Variants in SLC25A13 observed in about 807,000 individuals in gnomAD.
SLC25A13 encodes the protein electrogenic aspartate/glutamate antiporter SLC25A13, mitochondrial.
SLC25A13 carries 70 observed loss-of-function variants against 85.5 expected under a neutral mutation model. The observed-to-expected ratio is 0.82, with a 90% CI of 0.68 to 1.00. SLC25A13 has a LOEUF of 1.00. Among genes scored for constraint, SLC25A13 ranks in the 50% least tolerant of loss-of-function variants. SLC25A13 has a pLI of 0.00. For missense variants in SLC25A13, 765 were observed against 819.8 expected, an observed-to-expected ratio of 0.93 and a Z score of 0.82; for synonymous variants, 259 against 288.7, an observed-to-expected ratio of 0.90 and a Z score of 1.04.
rs1798494534 is a variant in SLC25A13 at position 96,277,329 on chromosome 7, T to C, written c.79A>G (p.Ile27Val). The change falls in exon 3 of 18, where the codon ATT becomes GTT. Residue 27 changes from isoleucine to valine, a missense_variant. Physicochemically the swap from Ile to Val is conservative, Grantham distance 29. Coordinates refer to ENST00000265631, the MANE Select transcript of SLC25A13 (RefSeq NM_014251.3). ...LRTIFLKYAS[I>V]EKNGEFFMSP... Reference sequence around the variant, plus strand: ...ATGAAAAATTCACCGTTTTTCTCAATGCTTGCATACTGTTTAAAAAAAAGA... The same window carrying C: ...ATGAAAAATTCACCGTTTTTCTCAACGCTTGCATACTGTTTAAAAAAAAGA... 3 of 1,612,700 alleles carry C rather than the reference T, an allele frequency of 1.9e-6. No homozygotes were observed. In the African/African-American group the frequency reaches 4.0e-5, roughly 22 times the overall value.
chr7:96,290,102 G>T (rs1799057022), intron 2 of SLC25A13, among the ~76,000 whole-genome samples: 1 of 152,220 alleles, frequency 6.6e-6, no homozygotes, highest in African/African-American at 2.4e-5. Flanking sequence ...CTGGCCAGAA[G>T]AGAGTGGGGG....
At chr7:96,172,705 T>C (rs911819114) in intron 11 of SLC25A13, among the ~76,000 whole-genome samples, 3 of 152,022 alleles carry the variant, frequency 2.0e-5, no homozygotes, top group East Asian at 1.9e-4. Flanking sequence ...ACAGAAACCA[T>C]GCAAGGTGGT....
At chr7:96,230,818 C>T (rs1394891971) in intron 4 of SLC25A13, among the ~76,000 whole-genome samples, 1 of 152,164 alleles carries the variant, frequency 6.6e-6, no homozygotes, top group Non-Finnish European at 1.5e-5. Flanking sequence ...GGATTAAAGA[C>T]TTAAATGTGG....
At chr7:96,171,253 T>C (rs1793986862) in intron 12 of SLC25A13, among the ~76,000 whole-genome samples, 1 of 152,234 alleles carries the variant, frequency 6.6e-6, no homozygotes, top group Non-Finnish European at 1.5e-5. Flanking sequence ...ACAACAATGA[T>C]GGCAGCAACC....
chr7:96,270,959 G>A (rs1166696993), intron 3 of SLC25A13, among the ~76,000 whole-genome samples: 13 of 152,162 alleles, frequency 8.5e-5, no homozygotes. Context: ...CCTCTTCCCT[G>A]TTTCTGTGTC....
chr7:96,140,812 G>A (rs1209864149), intron 14 of SLC25A13, among the ~76,000 whole-genome samples: 1 of 149,646 alleles, frequency 6.7e-6, no homozygotes, highest in Non-Finnish European at 1.5e-5. Context: ...TCTCATTGTA[G>A]TTATGATTTG....
intron 12 of SLC25A13, among the ~76,000 whole-genome samples, chr7:96,170,634 A>G (rs1002136244): frequency 6.6e-6 from 1 of 152,212 alleles, no homozygotes; most frequent in Non-Finnish European, 1.5e-5. Context: ...TACATTAATT[A>G]ATTAATATAA....
At chr7:96,294,091 T>C (rs1252463731) in intron 2 of SLC25A13, among the ~76,000 whole-genome samples, 1 of 152,196 alleles carries the variant, frequency 6.6e-6, no homozygotes, top group Non-Finnish European at 1.5e-5. Context: ...CATGGAATAC[T>C]ATGCAGCCAT....
chr7:96,296,847 GT>G, intron 2 of SLC25A13, 50 bp downstream of exon 2: 1 of 1,500,562 alleles, frequency 6.7e-7, no homozygotes, highest in South Asian at 1.1e-5. Flanking sequence ...ATATTTAAAA[GT>G]TATAGAACAC....
intron 4 of SLC25A13, among the ~76,000 whole-genome samples, chr7:96,215,733 A>G (rs1379073337): frequency 3.3e-5 from 5 of 152,198 alleles, no homozygotes; most frequent in Non-Finnish European, 7.3e-5. Flanking sequence ...AAAAAAATAT[A>G]GACATAATTT....
intron 17 of SLC25A13, 32 bp downstream of exon 17, chr7:96,121,623 A>G (rs1791509460): frequency 6.2e-7 from 1 of 1,610,016 alleles, no homozygotes; most frequent in African/African-American, 1.3e-5. Context: ...GCAGCAGCCA[A>G]AATTTAGCAG....
rs1246720248 is a variant in SLC25A13, at chr7:96,146,639, G to C, written c.1369C>G (p.Gln457Glu). 6.2e-7 allele frequency: 1 copy of C among 1,613,896 alleles called. No homozygotes were observed. The highest frequency in any genetic ancestry group is 8.5e-7 in the Non-Finnish European group (1 of 1,180,020). Residue 457 changes from glutamine (Q) to glutamate (E), a missense_variant, in exon 14 of 18, where the codon CAA becomes GAA. By Grantham distance (29) the Gln-to-Glu change is conservative. Coordinates refer to ENST00000265631, the MANE Select transcript of SLC25A13 (RefSeq NM_014251.3). Reference sequence around the variant, plus strand: ...CCAGTGGTGATTTCTCCTGCCACTTGCAAACGGATCTTGACGATTTCTAAA... The same window carrying C: ...CCAGTGGTGATTTCTCCTGCCACTTCCAAACGGATCTTGACGATTTCTAAA... The part of the protein sequence containing the change: ...NPLEIVKIRL[Q>E]VAGEITTGPR...
chr7:96,239,037 TTA>T (rs58990918), intron 3 of SLC25A13, among the ~76,000 whole-genome samples: 16,392 of 130,316 alleles, frequency 0.13, 1,066 homozygotes, highest in East Asian at 0.16. Context: ...ACTATATATT[TTA>T]TATATATATA....
At chr7:96,229,387 G>A (rs1470980077) in intron 4 of SLC25A13, among the ~76,000 whole-genome samples, 1 of 152,094 alleles carries the variant, frequency 6.6e-6, no homozygotes, top group Non-Finnish European at 1.5e-5. Context: ...TCAGCTCTCT[G>A]TAAAACAGAC....
Position 96,193,035 on chromosome 7 carries a change from A to G in SLC25A13, c.615+2T>C. On this transcript the variant is annotated splice_donor_variant, in intron 6 of 17. Coordinates refer to ENST00000265631, the MANE Select transcript of SLC25A13 (RefSeq NM_014251.3). LOFTEE classifies it high-confidence loss of function. Reference sequence around the variant, plus strand: ...ACTTCATTAGGGCAAGTTACAACTTACAGCTACTAGACATTCTTCTACAAA... The same window carrying G: ...ACTTCATTAGGGCAAGTTACAACTTGCAGCTACTAGACATTCTTCTACAAA... The G allele has an allele frequency of 6.2e-7, 1 of 1,614,050 alleles. No individual in the cohort carries two copies. The highest frequency in any genetic ancestry group is 8.5e-7 in the Non-Finnish European group (1 of 1,179,946).
chr7:96,169,007 TA>T (rs1457257913), intron 13 of SLC25A13, among the ~76,000 whole-genome samples: 1 of 152,186 alleles, frequency 6.6e-6, no homozygotes, highest in Non-Finnish European at 1.5e-5. Flanking sequence ...TGAACGCTCC[TA>T]AAGTTACAGA....
chr7:96,166,353 T>C (rs750082126), intron 13 of SLC25A13, among the ~76,000 whole-genome samples: 1 of 152,250 alleles, frequency 6.6e-6, no homozygotes, highest in Non-Finnish European at 1.5e-5. Flanking sequence ...TCTCTTGTTA[T>C]ATAAACAGTT....
In SLC25A13 at chr7:96,122,072, T is replaced by G; in HGVS notation, c.1592-75A>C. On this transcript the variant is annotated intron_variant, in intron 15 of 17. Coordinates refer to ENST00000265631, the MANE Select transcript of SLC25A13 (RefSeq NM_014251.3). ...TAAAAATAACTGTGCTTTGAACTGC[T>G]GGCCGTGGAAAGAAAGTTAAAAATC... is the stretch of plus-strand genomic sequence containing the variant. 4 of 1,588,780 alleles carry G rather than the reference T, an allele frequency of 2.5e-6. No homozygotes were observed. In the Admixed American group the frequency reaches 5.0e-5, roughly 20 times the overall value.
At chr7:96,237,879 G>T (rs1796802377) in intron 3 of SLC25A13, among the ~76,000 whole-genome samples, 1 of 152,178 alleles carries the variant, frequency 6.6e-6, no homozygotes, top group African/African-American at 2.4e-5. Flanking sequence ...AAATTGGAAA[G>T]AAGGGACCTG....
Sources: gnomAD v4.1 joint callset for allele counts (sites outside exome capture counted in the v4.1 genomes callset) on GRCh38, gnomAD v4.1.1 for gene constraint, MANE v1.5 for transcripts, NCBI Gene and HGNC (gene_info 2026-07-23, HGNC 2026-07-21) for gene names.